The following DCT variants were observed in gnomAD, a reference collection of about 807,000 sequenced individuals.
DCT encodes dopachrome tautomerase.
A neutral mutation model predicts 53.0 loss-of-function variants in DCT; 47 were observed. The observed-to-expected ratio is 0.89, with a 90% confidence interval of 0.70 to 1.13. The LOEUF is 1.13. Among genes scored for constraint, DCT ranks in the 50% most tolerant of loss-of-function variants. The probability of loss-of-function intolerance (pLI) is 0.00; values close to 1 mark genes in which losing one functional copy is unlikely to be tolerated. For synonymous variants in DCT, 244 were observed against 237.0 expected (o/e 1.03, Z -0.27); for missense variants, 669 against 637.4 (o/e 1.05, Z -0.53).
the DCT span, among the ~76,000 whole-genome samples, chr13:94,537,445 CAA>C: frequency 6.6e-6 from 1 of 152,286 alleles, no homozygotes; most frequent in African/African-American, 2.4e-5. Context: ...TAAATTAACC[CAA>C]GTTAGTGTCC....
At chr13:94,509,785 T>C in the DCT span, among the ~76,000 whole-genome samples, 2 of 152,156 alleles carry the variant, frequency 1.3e-5, no homozygotes, top group African/African-American at 4.8e-5. Flanking sequence ...ACATACAAAG[T>C]CTTAACACAG....
intron 4 of DCT, among the ~76,000 whole-genome samples, chr13:94,463,272 G>C (rs1382974623): frequency 6.6e-6 from 1 of 151,064 alleles, no homozygotes. Flanking sequence ...CAGTAGCTGG[G>C]ACTACTGGCT....
chr13:94,520,449 C>A, the DCT span, among the ~76,000 whole-genome samples: 1 of 152,146 alleles, frequency 6.6e-6, no homozygotes, highest in Non-Finnish European at 1.5e-5. Context: ...CGAGGCCTGC[C>A]ATAAGGCTGG....
chr13:94,480,230 A>G (rs1465168531), upstream of DCT, among the ~76,000 whole-genome samples: 1 of 152,110 alleles, frequency 6.6e-6, no homozygotes, highest in East Asian at 1.9e-4. Flanking sequence ...GAAACTCACA[A>G]TTGTCATTAT....
At chr13:94,518,770 A>C in the DCT span, among the ~76,000 whole-genome samples, 2 of 152,208 alleles carry the variant, frequency 1.3e-5, no homozygotes, top group Non-Finnish European at 2.9e-5. Context: ...CTCTGCTTAA[A>C]ACTGAATATC....
At chr13:94,489,196 GT>G in the DCT span, among the ~76,000 whole-genome samples, 1 of 152,044 alleles carries the variant, frequency 6.6e-6, no homozygotes, top group Admixed American at 6.6e-5. Context: ...TAAAAATTTC[GT>G]TAATAAAAAA....
chr13:94,515,239 AG>A, the DCT span, among the ~76,000 whole-genome samples: 1 of 152,258 alleles, frequency 6.6e-6, no homozygotes, highest in Non-Finnish European at 1.5e-5. Context: ...CTGCTGTAGC[AG>A]CCCCAACTGA....
chr13:94,460,783 A>C (rs950515219), intron 5 of DCT, among the ~76,000 whole-genome samples: 1 of 152,128 alleles, frequency 6.6e-6, no homozygotes, highest in Middle Eastern at 3.2e-3. Context: ...AAAGAAAAAA[A>C]TTTTCTACCA....
At chr13:94,469,713 G>A (rs1462548450) in intron 1 of DCT, among the ~76,000 whole-genome samples, 1 of 152,134 alleles carries the variant, frequency 6.6e-6, no homozygotes, top group African/African-American at 2.4e-5. Flanking sequence ...CCACAAAAAG[G>A]GATGACACAG....
the DCT span, among the ~76,000 whole-genome samples, chr13:94,548,149 T>C: frequency 6.6e-6 from 1 of 151,770 alleles, no homozygotes; most frequent in African/African-American, 2.4e-5. Flanking sequence ...TACAGTAACA[T>C]TTAGGAGGTA....
chr13:94,505,910 G>A, the DCT span, among the ~76,000 whole-genome samples: 5 of 152,268 alleles, frequency 3.3e-5, no homozygotes, highest in Admixed American at 2.6e-4. Context: ...ACATCCATGT[G>A]AGCTTGGAAG....
At chr13:94,531,944 GA>G in the DCT span, among the ~76,000 whole-genome samples, 1 of 150,552 alleles carries the variant, frequency 6.6e-6, no homozygotes, top group Admixed American at 6.6e-5. Context: ...AAATTTACAA[GA>G]AAAAAAAATC....
At position 94,437,462 on chromosome 13, in the gene DCT, G is replaced by A. The variant is rs952967501; in HGVS notation, c.*2436C>T. 1 of 152,140 alleles carries A rather than the reference G, an allele frequency of 6.6e-6. No homozygotes were observed. The highest frequency in any genetic ancestry group is 2.1e-4 in the South Asian group (1 of 4,824). The allele number at this position is 152,140 out of a possible 1,614,324, so 9.4% of individuals were successfully genotyped here. On this transcript the variant is annotated 3_prime_UTR_variant, in exon 8 of 8. Transcript: ENST00000377028. Reference sequence around the variant, plus strand: ...TTTTAGAATTAGAAGGGAATTTAATGCACAAAGGAAAGATGTTATTGCATT... The same window carrying A: ...TTTTAGAATTAGAAGGGAATTTAATACACAAAGGAAAGATGTTATTGCATT...
the DCT span, among the ~76,000 whole-genome samples, chr13:94,495,255 C>T: frequency 1.3e-5 from 2 of 152,152 alleles, no homozygotes; most frequent in Non-Finnish European, 2.9e-5. Context: ...TGCCACCACA[C>T]CTGGCTAATT....
At chr13:94,537,401 T>A in the DCT span, among the ~76,000 whole-genome samples, 3 of 152,216 alleles carry the variant, frequency 2.0e-5, no homozygotes, top group African/African-American at 7.2e-5. Context: ...CCATGTAATG[T>A]GTGACTATGA....
In DCT at chr13:94,461,028, A is replaced by G. The variant is rs201502528; in HGVS notation, c.1044-802T>C. On this transcript the variant is annotated intron_variant, in intron 5 of 7. Transcript: ENST00000377028. Reference sequence around the variant, plus strand: ...ATGGCTCAGTCTGCTGAGGTTGGACACAGCCTTCAGAGTAGTGTCAAAGGT... The same window carrying G: ...ATGGCTCAGTCTGCTGAGGTTGGACGCAGCCTTCAGAGTAGTGTCAAAGGT... Among the ~76,000 whole-genome samples the G allele has an allele frequency of 2.0e-5, 3 of 152,210 alleles. No individual in the cohort carries two copies. In the East Asian group the frequency reaches 5.8e-4, roughly 29 times the overall value.
At chr13:94,516,519 A>C in the DCT span, among the ~76,000 whole-genome samples, 3 of 152,162 alleles carry the variant, frequency 2.0e-5, no homozygotes, top group Non-Finnish European at 4.4e-5. Flanking sequence ...TATGGTTTGG[A>C]TATTTGTCCC....
chr13:94,475,034 AC>A (rs1455970599), intron 1 of DCT, among the ~76,000 whole-genome samples: 3 of 152,192 alleles, frequency 2.0e-5, no homozygotes, highest in African/African-American at 7.2e-5. Flanking sequence ...TCATCAGGCT[AC>A]TGTAGAGGAT....
the DCT span, among the ~76,000 whole-genome samples, chr13:94,491,800 G>C: frequency 1.5e-3 from 224 of 152,260 alleles, 2 homozygotes; most frequent in African/African-American, 5.1e-3. Context: ...CTTCTGCAAA[G>C]GTTAGCATTT....
Sources: allele counts gnomAD v4.1 joint callset (sites outside exome capture counted in the v4.1 genomes callset), GRCh38; gene constraint gnomAD v4.1.1; transcripts MANE v1.5; gene names NCBI Gene and HGNC (gene_info 2026-07-23, HGNC 2026-07-21).